The following ATG4B variants were observed in gnomAD, a reference collection of about 807,000 sequenced individuals.
The protein encoded by ATG4B is autophagy related 4B cysteine peptidase, also known as cysteine protease ATG4B.
Under a neutral mutation model 56.6 loss-of-function variants are expected in ATG4B, and 29 were observed. The ratio of observed to expected loss-of-function variants is 0.51; its 90% CI spans 0.38 to 0.70. The LOEUF (loss-of-function observed/expected upper bound fraction) is 0.70. ATG4B is among the 30% of genes least tolerant of loss of function. The pLI, the probability that ATG4B is intolerant of heterozygous loss-of-function variation, is 0.00. For missense variants in ATG4B, 461 were observed against 515.5 expected (o/e 0.89, Z 1.02); for synonymous variants, 224 against 206.1 (o/e 1.09, Z -0.74).
intron 7 of ATG4B, among the ~76,000 whole-genome samples, chr2:241,661,386 C>G (rs978894881): frequency 6.6e-6 from 1 of 152,082 alleles, no homozygotes; most frequent in Non-Finnish European, 1.5e-5. Context: ...ACATCGGGGT[C>G]GTTCTGAATG....
At chr2:241,644,135 C>T (rs2067993419) in intron 1 of ATG4B, among the ~76,000 whole-genome samples, 1 of 151,798 alleles carries the variant, frequency 6.6e-6, no homozygotes, top group South Asian at 2.1e-4. Flanking sequence ...TCACTGGAGC[C>T]CAGGAGTTTG....
At chr2:241,670,853 T>C in intron 11 of ATG4B, 71 bp downstream of exon 11, 1 of 1,481,348 alleles carries the variant, frequency 6.8e-7, no homozygotes, top group South Asian at 1.2e-5. Flanking sequence ...CGTGCAGGGG[T>C]CGAAGGCCTG....
At chr2:241,648,106 T>C (rs74732887) in intron 1 of ATG4B, among the ~76,000 whole-genome samples, 1 of 152,086 alleles carries the variant, frequency 6.6e-6, no homozygotes, top group Non-Finnish European at 1.5e-5. Context: ...AGAGTGAGAC[T>C]CCATCACAAA....
Position 241,672,393 on chromosome 2 carries a change from T to C in ATG4B, c.*129T>C. ...TGCCTCCCCCCAGAGGGCCACCCGC[T>C]GTGCTCGTGGACTGAGGCTGCGCTG... On this transcript the variant is annotated 3_prime_UTR_variant, in exon 13 of 13. Transcript: ENST00000404914. 1.2e-6 allele frequency: 1 copy of C among 828,058 alleles called. No individual in the cohort carries two copies. The highest frequency in any genetic ancestry group is 3.5e-4 in the Middle Eastern group (1 of 2,886). The allele number at this position is 828,058 out of a possible 1,614,324, so 51.3% of individuals were successfully genotyped here. A position where few individuals can be genotyped will look rare whatever the true frequency, so the allele number is the denominator to read the frequency against.
intron 7 of ATG4B, among the ~76,000 whole-genome samples, chr2:241,665,982 G>T (rs1173892012): frequency 6.6e-6 from 1 of 152,174 alleles, no homozygotes; most frequent in South Asian, 2.1e-4. Flanking sequence ...CCTCAGTCTG[G>T]TGGTGTCTTT....
chr2:241,659,026 C>T, intron 6 of ATG4B, 82 bp from the exon 7 acceptor site: 1 of 1,107,170 alleles, frequency 9.0e-7, no homozygotes. Context: ...AACGCGAACC[C>T]TCCTTCGCGC....
intron 7 of ATG4B, 169 bp downstream of exon 7, chr2:241,659,356 C>G (rs779175823): frequency 1.4e-6 from 1 of 698,398 alleles, no homozygotes; most frequent in Non-Finnish European, 2.7e-6. Flanking sequence ...TGGCCTCGCT[C>G]TCCTATCCCG....
intron 6 of ATG4B, among the ~76,000 whole-genome samples, chr2:241,655,661 C>T (rs747169211): frequency 2.6e-5 from 4 of 152,126 alleles, no homozygotes; most frequent in African/African-American, 4.8e-5. Context: ...GTGCGGGTGC[C>T]GGGCCCTTCC....
intron 4 of ATG4B, among the ~76,000 whole-genome samples, chr2:241,654,040 A>C (rs186834736): frequency 2.6e-4 from 40 of 151,672 alleles, no homozygotes; most frequent in African/African-American, 9.4e-4. Context: ...TAAATGTTTT[A>C]AATTACTGAA....
intron 1 of ATG4B, among the ~76,000 whole-genome samples, chr2:241,638,102 G>A (rs2125106138): frequency 6.6e-6 from 1 of 152,048 alleles, no homozygotes; most frequent in South Asian, 2.1e-4. Context: ...GGTCCGGGCC[G>A]GGGACGCGAG....
intron 10 of ATG4B, among the ~76,000 whole-genome samples, chr2:241,670,076 C>T (rs1003580708): frequency 1.7e-4 from 26 of 152,262 alleles, no homozygotes; most frequent in African/African-American, 5.1e-4. Flanking sequence ...ACACCAGCGC[C>T]GAGGCGGCAG....
chr2:241,661,200 C>T (rs1167799583), intron 7 of ATG4B, among the ~76,000 whole-genome samples: 3 of 152,226 alleles, frequency 2.0e-5, no homozygotes, highest in East Asian at 3.8e-4. Context: ...TGACTGGCTT[C>T]GTCTCACTGC....
chr2:241,639,387 T>G (rs1225793952), intron 1 of ATG4B, among the ~76,000 whole-genome samples: 1 of 152,224 alleles, frequency 6.6e-6, no homozygotes, highest in Non-Finnish European at 1.5e-5. Context: ...CTCCAGGCTA[T>G]AGCTCTGGGG....
Position 241,643,523 on chromosome 2 carries a change from T to C in ATG4B, c.10+5799T>C, listed in dbSNP as rs572229180. Among the ~76,000 whole-genome samples the C allele has an allele frequency of 4.0e-5, 6 of 150,190 alleles. No homozygotes were observed. The East Asian group carries it at 1.2e-3, about 30-fold the overall frequency. On this transcript the variant is annotated intron_variant, in intron 1 of 12. Coordinates refer to ENST00000404914, the MANE Select transcript of ATG4B (RefSeq NM_013325.5). ...CACCTGGCCTTACATGTCATCTTAT[T>C]TCAAATTAATATCATTACCTGGAAG...
intron 4 of ATG4B, among the ~76,000 whole-genome samples, chr2:241,654,104 C>G (rs1275084711): frequency 6.6e-6 from 1 of 151,518 alleles, no homozygotes; most frequent in African/African-American, 2.4e-5. Context: ...TATTTGAAAT[C>G]CTGGAGAACA....
At position 241,673,038 on chromosome 2, in the gene ATG4B, G is replaced by A. The variant is rs1300512484; in HGVS notation, c.*774G>A. 2 of 36,416 alleles carry A rather than the reference G, an allele frequency of 5.5e-5. No individual in the cohort carries two copies. The highest frequency in any genetic ancestry group is 9.1e-5 in the Non-Finnish European group (2 of 22,026). The allele number at this position is 36,416 out of a possible 1,614,324, so 2.3% of individuals were successfully genotyped here. ...CTGTGGCAGCTTCCCCAGGTGTGGT[G>A]ACGGGGGGGGGGCGGGGCCTCCACC... On this transcript the variant is annotated 3_prime_UTR_variant, in exon 13 of 13. Transcript: ENST00000404914.
chr2:241,663,275 CAG>C (rs375286016), intron 7 of ATG4B, among the ~76,000 whole-genome samples: 1 of 152,134 alleles, frequency 6.6e-6, no homozygotes, highest in African/African-American at 2.4e-5. Flanking sequence ...ATATAGAAAA[CAG>C]AATAATTAAC....
chr2:241,637,800 C>G (rs1169734132), intron 1 of ATG4B, 76 bp downstream of exon 1: 2 of 1,441,944 alleles, frequency 1.4e-6, no homozygotes, highest in Non-Finnish European at 1.8e-6. Context: ...TCGGGTCGGG[C>G]TGCCGCGACT....
Position 241,655,117 on chromosome 2 carries a change from T to C in ATG4B, c.386-154T>C, listed in dbSNP as rs1575071819. ...CCCTGAGACCTTGTTTGCCCCCTCA[T>C]GCCTCCCCCGATCTTGTTGGGGCAT... On this transcript the variant is annotated intron_variant, in intron 5 of 12. Coordinates refer to ENST00000404914, the MANE Select transcript of ATG4B (RefSeq NM_013325.5). 29 of 691,476 alleles carry C rather than the reference T, an allele frequency of 4.2e-5. No individual in the cohort carries two copies. The East Asian group carries it at 7.9e-4, about 19-fold the overall frequency. The allele number at this position is 691,476 out of a possible 1,614,324, so 42.8% of individuals were successfully genotyped here.
Sources: allele counts gnomAD v4.1 joint callset (sites outside exome capture counted in the v4.1 genomes callset), GRCh38; gene constraint gnomAD v4.1.1; transcripts MANE v1.5; gene names NCBI Gene and HGNC (gene_info 2026-07-23, HGNC 2026-07-21).